Variants in PIAS1 observed in about 807,000 individuals in gnomAD.
The protein encoded by PIAS1 is protein inhibitor of activated STAT 1, also known as E3 SUMO-protein ligase PIAS1.
PIAS1 carries 6 observed loss-of-function variants against 71.3 expected under a neutral mutation model. That is an observed-to-expected ratio of 0.08 (90% CI 0.05 to 0.17). The LOEUF is 0.17. PIAS1 is among the 10% of genes least tolerant of loss of function. The probability of loss-of-function intolerance (pLI) is 1.00; values close to 1 mark genes in which losing one functional copy is unlikely to be tolerated. For missense variants in PIAS1, 555 were observed against 793.6 expected, an observed-to-expected ratio of 0.70 and a Z score of 3.61; for synonymous variants, 303 against 292.9, an observed-to-expected ratio of 1.03 and a Z score of -0.35.
intron 2 of PIAS1, among the ~76,000 whole-genome samples, chr15:68,122,364 T>C (rs1403057112): frequency 6.6e-6 from 1 of 152,154 alleles, no homozygotes; most frequent in Non-Finnish European, 1.5e-5. Context: ...AAATTGAAAC[T>C]ATAGTTCTCA....
intron 13 of PIAS1, 111 bp downstream of exon 13, chr15:68,183,778 A>G: frequency 1.8e-6 from 1 of 561,280 alleles, no homozygotes; most frequent in Non-Finnish European, 3.3e-6. Context: ...CCATAAGATT[A>G]TAATGGAGCT....
chr15:68,057,320 TC>T (rs1282296781), intron 1 of PIAS1, among the ~76,000 whole-genome samples: 8 of 152,308 alleles, frequency 5.3e-5, no homozygotes, highest in African/African-American at 1.9e-4. Context: ...TATTTTGTCA[TC>T]TTTAGGAACT....
chr15:68,176,468 A>G lies in PIAS1; in HGVS notation c.1301-6A>G, dbSNP rs765340301. 8 of 1,583,760 alleles carry G rather than the reference A, an allele frequency of 5.1e-6. No homozygotes were observed. Among genetic ancestry groups the G allele is most frequent in the Non-Finnish European group, 4.3e-6 (5 of 1,166,342 alleles). On this transcript the variant is annotated splice_region_variant and splice_polypyrimidine_tract_variant and intron_variant, in intron 10 of 13. Transcript: ENST00000249636. Reference sequence around the variant, plus strand: ...CTTGCCTTGTATTTTAATCATTCCCATATAGGATGCTTGAGCTCCACATTG... The same window carrying G: ...CTTGCCTTGTATTTTAATCATTCCCGTATAGGATGCTTGAGCTCCACATTG...
chr15:68,138,535 G>A (rs562704587), intron 2 of PIAS1, among the ~76,000 whole-genome samples: 36 of 152,174 alleles, frequency 2.4e-4, no homozygotes, highest in African/African-American at 8.2e-4. Flanking sequence ...AGTGCAGTGC[G>A]GCGATCTCGG....
chr15:68,122,428 C>T (rs2141021467), intron 2 of PIAS1, among the ~76,000 whole-genome samples: 1 of 152,172 alleles, frequency 6.6e-6, no homozygotes, highest in South Asian at 2.1e-4. Context: ...GGAATAAGGA[C>T]AAGGGAGTCC....
At chr15:68,065,852 C>T (rs908982951) in intron 1 of PIAS1, among the ~76,000 whole-genome samples, 2 of 144,836 alleles carry the variant, frequency 1.4e-5, no homozygotes, top group Non-Finnish European at 1.5e-5. Flanking sequence ...ATGATCCTTC[C>T]ACCTCAGCCT....
chr15:68,083,324 G>A (rs967154444), intron 1 of PIAS1, among the ~76,000 whole-genome samples: 18 of 151,968 alleles, frequency 1.2e-4, no homozygotes, highest in Middle Eastern at 3.4e-3. Context: ...AGTGTTTCCC[G>A]CCCCCTTCTT....
Position 68,101,568 on chromosome 15 carries a change from G to T in PIAS1, c.469+14818G>T, listed in dbSNP as rs140978694. Among the ~76,000 whole-genome samples, 40 of 152,078 alleles carry T rather than the reference G, an allele frequency of 2.6e-4. 1 individual carries two copies. The East Asian group carries it at 3.3e-3, about 13-fold the overall frequency. ...ACCTTAATCTCAAATTCCTGGGCTCGAGCAGCCCTCCTGCCTCAGCCTCCT... is the reference window on the plus strand; with the variant it reads ...ACCTTAATCTCAAATTCCTGGGCTCTAGCAGCCCTCCTGCCTCAGCCTCCT... On this transcript the variant is annotated intron_variant, in intron 2 of 13. Transcript: ENST00000249636.
At position 68,173,683 on chromosome 15, in the gene PIAS1, A is replaced by C; in HGVS notation, c.1009-49A>C. ...TCTAGGAAATTTTTGTCAAAGCTTA[A>C]ATGTTGAATAGCAATTATCTAATAT... On this transcript the variant is annotated intron_variant, in intron 8 of 13. Transcript: ENST00000249636. The surrounding 1 kb of genome is among the most constrained non-coding windows in gnomAD (Gnocchi z 4.3). 6 of 1,377,296 alleles carry C rather than the reference A, an allele frequency of 4.4e-6. No homozygotes were observed. Among genetic ancestry groups the C allele is most frequent in the Non-Finnish European group, 5.8e-6 (6 of 1,033,550 alleles). 85.3% of individuals were successfully genotyped at this position (1,377,296 alleles called of 1,614,324 possible).
chr15:68,150,721 A>G (rs530216466), intron 6 of PIAS1, among the ~76,000 whole-genome samples: 115 of 152,342 alleles, frequency 7.5e-4, no homozygotes, highest in Non-Finnish European at 8.2e-4. Context: ...TAGGTTGAGT[A>G]TTCCTAATCT....
At chr15:68,140,595 A>G (rs559652717) in intron 2 of PIAS1, among the ~76,000 whole-genome samples, 1 of 152,334 alleles carries the variant, frequency 6.6e-6, no homozygotes, top group East Asian at 1.9e-4. Context: ...AGCCTTTTAA[A>G]GATACTGTTA....
rs1283309056 is a variant in PIAS1 at position 68,129,831 on chromosome 15, A to ACT, written c.470-12114_470-12113insTC. Among the ~76,000 whole-genome samples, 3 of 134,266 alleles carry ACT rather than the reference A, an allele frequency of 2.2e-5. No individual in the cohort carries two copies. In the East Asian group the frequency reaches 6.8e-4, roughly 31 times the overall value. 88.1% of individuals were successfully genotyped at this position (134,266 alleles called of 152,430 possible). ...CACACACACACACACACACACACAC[A>ACT]CACACTCTTACATAGATTTATGTGT... On this transcript the variant is annotated intron_variant, in intron 2 of 13. Transcript: ENST00000249636.
At chr15:68,129,209 C>G (rs1007095899) in intron 2 of PIAS1, among the ~76,000 whole-genome samples, 1 of 152,072 alleles carries the variant, frequency 6.6e-6, no homozygotes, top group Non-Finnish European at 1.5e-5. Flanking sequence ...ACTGTAGGCA[C>G]ATACCACCAC....
intron 1 of PIAS1, among the ~76,000 whole-genome samples, chr15:68,074,379 C>T (rs879326182): frequency 2.0e-5 from 3 of 152,174 alleles, no homozygotes; most frequent in Admixed American, 2.0e-4. Context: ...TCCGCCCAGG[C>T]TGGAGGCTTG....
chr15:68,168,368 T>C (rs1409428448), intron 8 of PIAS1, among the ~76,000 whole-genome samples: 1 of 152,186 alleles, frequency 6.6e-6, no homozygotes, highest in East Asian at 1.9e-4. Flanking sequence ...GCACGTTTTA[T>C]TGACATTTTT....
At chr15:68,055,673 A>T (rs1023371563) in intron 1 of PIAS1, 5 of 399,880 alleles carry the variant, frequency 1.3e-5, no homozygotes, top group African/African-American at 1.0e-4. Flanking sequence ...CGACCCAGAG[A>T]ACTGACATCT....
intron 1 of PIAS1, among the ~76,000 whole-genome samples, chr15:68,060,797 C>T (rs1253498003): frequency 7.0e-6 from 1 of 143,282 alleles, no homozygotes; most frequent in Non-Finnish European, 1.5e-5. Flanking sequence ...AATTCTCCTG[C>T]CTCAGCCTCC....
At chr15:68,131,633 C>G (rs1303919096) in intron 2 of PIAS1, among the ~76,000 whole-genome samples, 1 of 152,166 alleles carries the variant, frequency 6.6e-6, no homozygotes, top group Non-Finnish European at 1.5e-5. Context: ...ACTTAATAAG[C>G]ATAGTATTGT....
intron 1 of PIAS1, among the ~76,000 whole-genome samples, chr15:68,074,334 T>A (rs1437304279): frequency 8.5e-5 from 13 of 152,266 alleles, no homozygotes; most frequent in South Asian, 4.1e-4. Flanking sequence ...AAATTAAATT[T>A]AAAAAAATTT....
Sources: allele counts gnomAD v4.1 joint callset (sites outside exome capture counted in the v4.1 genomes callset), GRCh38; gene constraint gnomAD v4.1.1; non-coding constraint Gnocchi (gnomAD v3.1); transcripts MANE v1.5; gene names NCBI Gene and HGNC (gene_info 2026-07-23, HGNC 2026-07-21).